Variants in MMS22L observed in about 807,000 individuals in gnomAD.
MMS22L encodes MMS22 like, DNA repair protein, also known as protein MMS22-like.
Under a neutral mutation model 159.1 loss-of-function variants are expected in MMS22L, and 74 were observed. That is an observed-to-expected ratio of 0.47 (90% confidence interval 0.39 to 0.56). MMS22L has a LOEUF of 0.56. Among genes scored for constraint, MMS22L ranks in the 20% least tolerant of loss-of-function variants. The pLI is 0.00. For synonymous variants in MMS22L, 517 were observed against 506.9 expected, an observed-to-expected ratio of 1.02 and a Z score of -0.27; for missense variants, 1,351 against 1,422.1, an observed-to-expected ratio of 0.95 and a Z score of 0.80.
At chr6:97,180,542 C>G (rs995313250) in intron 16 of MMS22L, among the ~76,000 whole-genome samples, 1 of 151,976 alleles carries the variant, frequency 6.6e-6, no homozygotes. Flanking sequence ...TGAAATACCT[C>G]GAATATAAGT....
Position 97,148,404 on chromosome 6 carries a change from A to G in MMS22L, c.3650+1449T>C, listed in dbSNP as rs528145704. 5.5e-4 allele frequency among the ~76,000 whole-genome samples: 84 copies of G among 152,250 alleles called. 1 individual carries two copies. The highest frequency in any genetic ancestry group is 1.9e-3 in the African/African-American group (80 of 41,558). Reference sequence around the variant, plus strand: ...GGTCCTTCAGGAGGTATTCCAGAAGAAGGCTTCCTTATTGCAGGAGACGAC... The same window carrying G: ...GGTCCTTCAGGAGGTATTCCAGAAGGAGGCTTCCTTATTGCAGGAGACGAC... On this transcript the variant is annotated intron_variant, in intron 24 of 24. Transcript: ENST00000683635.
intron 10 of MMS22L, among the ~76,000 whole-genome samples, chr6:97,251,750 T>C (rs1813255943): frequency 6.6e-6 from 1 of 152,280 alleles, no homozygotes; most frequent in South Asian, 2.1e-4. Context: ...GATTCAGAGC[T>C]AATAAAAGCA....
At chr6:97,229,743 A>T (rs186340316) in intron 13 of MMS22L, among the ~76,000 whole-genome samples, 92 of 152,312 alleles carry the variant, frequency 6.0e-4, no homozygotes, top group African/African-American at 2.0e-3. Flanking sequence ...ATAAGAAAGA[A>T]TATATAATCT....
chr6:97,168,322 G>A lies in MMS22L; in HGVS notation c.2840-82C>T, dbSNP rs532051877. On this transcript the variant is annotated intron_variant, in intron 19 of 24. Coordinates refer to ENST00000683635, the MANE Select transcript of MMS22L (RefSeq NM_001350599.2). ...GTCACTTAATTTAAAAATTTGTATTGAAAGCACATGGGACCAAATTAAAGT... is the reference window on the plus strand; with the variant it reads ...GTCACTTAATTTAAAAATTTGTATTAAAAGCACATGGGACCAAATTAAAGT... 3.1e-6 allele frequency: 4 copies of A among 1,296,744 alleles called. No homozygotes were observed. The African/African-American group carries it at 4.5e-5, about 14-fold the overall frequency. 80.3% of individuals were successfully genotyped at this position (1,296,744 alleles called of 1,614,324 possible).
intron 14 of MMS22L, among the ~76,000 whole-genome samples, chr6:97,213,325 G>C (rs962220694): frequency 2.0e-5 from 3 of 152,150 alleles, no homozygotes; most frequent in East Asian, 3.9e-4. Flanking sequence ...AGAATCACTT[G>C]AACACAGGAG....
chr6:97,221,292 G>T (rs926181583), intron 14 of MMS22L, among the ~76,000 whole-genome samples: 1 of 151,930 alleles, frequency 6.6e-6, no homozygotes, highest in Non-Finnish European at 1.5e-5. Flanking sequence ...AGGAAAACTC[G>T]TATCTATGTA....
At chr6:97,205,965 A>T (rs1807742833) in intron 14 of MMS22L, among the ~76,000 whole-genome samples, 1 of 152,202 alleles carries the variant, frequency 6.6e-6, no homozygotes, top group Non-Finnish European at 1.5e-5. Context: ...CTGTGTAATT[A>T]TACTTTAATT....
chr6:97,281,743 G>A (rs1816770973), intron 2 of MMS22L, among the ~76,000 whole-genome samples: 1 of 152,208 alleles, frequency 6.6e-6, no homozygotes, highest in Non-Finnish European at 1.5e-5. Flanking sequence ...TAATGAAGTT[G>A]AGTATTCTAT....
At chr6:97,279,280 G>A (rs1385089842) in intron 3 of MMS22L, among the ~76,000 whole-genome samples, 2 of 150,932 alleles carry the variant, frequency 1.3e-5, no homozygotes, top group South Asian at 2.1e-4. Context: ...TCAGGAGATC[G>A]TGACCATCCT....
At chr6:97,148,850 C>T (rs764101897) in intron 24 of MMS22L, among the ~76,000 whole-genome samples, 9 of 152,064 alleles carry the variant, frequency 5.9e-5, no homozygotes, top group Non-Finnish European at 1.2e-4. Flanking sequence ...TTTATCACCA[C>T]TCACTCGCCG....
chr6:97,272,870 ACTTT>A lies in MMS22L; in HGVS notation c.436_439del (p.Lys146TyrfsTer24). 6.2e-7 allele frequency: 1 copy of A among 1,610,046 alleles called. No homozygotes were observed. Among genetic ancestry groups the A allele is most frequent in the Non-Finnish European group, 8.5e-7 (1 of 1,179,040 alleles). On this transcript the variant is annotated frameshift_variant, in exon 6 of 25. Coordinates refer to ENST00000683635, the MANE Select transcript of MMS22L (RefSeq NM_001350599.2). LOFTEE classifies it high-confidence loss of function. ...AGGAACATGACTCTCAGCATTCTGTACTTTCAGATACCTAAAAAATAATTAGATA... is the reference window on the plus strand; with the variant it reads ...AGGAACATGACTCTCAGCATTCTGTACAGATACCTAAAAAATAATTAGATA...
intron 4 of MMS22L, among the ~76,000 whole-genome samples, chr6:97,277,554 C>A (rs932174140): frequency 2.0e-5 from 3 of 152,066 alleles, no homozygotes; most frequent in Non-Finnish European, 4.4e-5. Context: ...ACAAAACACA[C>A]ACACACACAC....
rs1053412770 is a variant in MMS22L, at chr6:97,144,318, G to A, written c.*2488C>T. The A allele has an allele frequency of 1.3e-5, 2 of 152,066 alleles. No homozygotes were observed. Among genetic ancestry groups the A allele is most frequent in the African/African-American group, 4.8e-5 (2 of 41,396 alleles). 9.4% of individuals were successfully genotyped at this position (152,066 alleles called of 1,614,324 possible). On this transcript the variant is annotated 3_prime_UTR_variant, in exon 25 of 25. Transcript: ENST00000683635. ...CATACCATAATCTGCACTTACTCAAGTCCTGCAGTTAACCCTGAGGAACCT... is the reference window on the plus strand; with the variant it reads ...CATACCATAATCTGCACTTACTCAAATCCTGCAGTTAACCCTGAGGAACCT...
rs1804349420 is a variant in MMS22L, at chr6:97,178,508, T to C, written c.2614A>G (p.Lys872Glu). The change falls in exon 18 of 25, where the codon AAG becomes GAG. Residue 872 changes from lysine (K) to glutamate (E), a missense_variant. Lys to Glu is a moderately conservative substitution (Grantham distance 56). Coordinates refer to ENST00000683635, the MANE Select transcript of MMS22L (RefSeq NM_001350599.2). Reference sequence around the variant, plus strand: ...ATGGATAAATATTCAACTTGGGCCTTTGAGAAAATACTCTTTACTTCTGAG... The same window carrying C: ...ATGGATAAATATTCAACTTGGGCCTCTGAGAAAATACTCTTTACTTCTGAG... Reference protein sequence around the residue: ...NLSEVKSIFSKAQVEYLSISE... With the variant: ...NLSEVKSIFSEAQVEYLSISE... 1.3e-6 allele frequency: 2 copies of C among 1,590,328 alleles called. No homozygotes were observed. Among genetic ancestry groups the C allele is most frequent in the East Asian group, 2.3e-5 (1 of 44,292 alleles).
chr6:97,204,315 T>C (rs1807514673), intron 14 of MMS22L, among the ~76,000 whole-genome samples: 1 of 152,102 alleles, frequency 6.6e-6, no homozygotes. Context: ...AAACCTAAAT[T>C]TCAAGTTATG....
At chr6:97,175,854 A>G (rs1562419927) in intron 18 of MMS22L, among the ~76,000 whole-genome samples, 1 of 152,168 alleles carries the variant, frequency 6.6e-6, no homozygotes, top group Non-Finnish European at 1.5e-5. Context: ...CACTTCATTC[A>G]TTTTTTGAGA....
Position 97,193,204 on chromosome 6 carries a change from T to C in MMS22L, c.2040-6514A>G, listed in dbSNP as rs1454426944. 2.6e-5 allele frequency among the ~76,000 whole-genome samples: 4 copies of C among 152,136 alleles called. No homozygotes were observed. In the South Asian group the frequency reaches 8.3e-4, roughly 32 times the overall value. On this transcript the variant is annotated intron_variant, in intron 14 of 24. Coordinates refer to ENST00000683635, the MANE Select transcript of MMS22L (RefSeq NM_001350599.2). Reference sequence around the variant, plus strand: ...CTATAGGGATTCCAAAGGTCAACGATGTGTGATAATTTACAATTTTCCTAT... The same window carrying C: ...CTATAGGGATTCCAAAGGTCAACGACGTGTGATAATTTACAATTTTCCTAT...
chr6:97,255,719 A>C (rs1049151674), intron 9 of MMS22L, among the ~76,000 whole-genome samples: 1 of 151,936 alleles, frequency 6.6e-6, no homozygotes, highest in African/African-American at 2.4e-5. Flanking sequence ...TCTCTTCTTT[A>C]ACTTATGAGT....
rs1804757312 is a variant in MMS22L at position 97,181,951 on chromosome 6, G to C, written c.2337C>G (p.Ile779Met). 1 of 1,613,612 alleles carries C rather than the reference G, an allele frequency of 6.2e-7. No individual in the cohort carries two copies. Among genetic ancestry groups the C allele is most frequent in the Non-Finnish European group, 8.5e-7 (1 of 1,179,754 alleles). The change falls in exon 16 of 25, where the codon ATC becomes ATG. Residue 779 changes from isoleucine (I) to methionine (M), a missense_variant. Ile to Met is a conservative substitution (Grantham distance 10). Transcript: ENST00000683635. ...IIQLFGWDDI[I>M]CPQVVARYLS... ...AATATCTTGCTACAACTTGAGGGCAGATGATATCATCCCAACCAAAAAGTT... is the reference window on the plus strand; with the variant it reads ...AATATCTTGCTACAACTTGAGGGCACATGATATCATCCCAACCAAAAAGTT...
Sources: gnomAD v4.1 joint callset for allele counts (sites outside exome capture counted in the v4.1 genomes callset) on GRCh38, gnomAD v4.1.1 for gene constraint, MANE v1.5 for transcripts, NCBI Gene and HGNC (gene_info 2026-07-23, HGNC 2026-07-21) for gene names.